PAXIP1: variants seen among roughly 807,000 people sequenced by gnomAD.
PAXIP1 encodes the protein PAX interacting protein 1.
Under a neutral mutation model 140.6 loss-of-function variants are expected in PAXIP1, and 19 were observed. The ratio of observed to expected loss-of-function variants is 0.14; its 90% CI spans 0.09 to 0.20. The LOEUF is 0.20. Among genes scored for constraint, PAXIP1 ranks in the 10% least tolerant of loss-of-function variants. PAXIP1 has a pLI of 1.00. For synonymous variants in PAXIP1, 442 were observed against 444.6 expected, an observed-to-expected ratio of 0.99 and a Z score of 0.07; for missense variants, 920 against 1,208.6, an observed-to-expected ratio of 0.76 and a Z score of 3.54.
At position 154,947,629 on chromosome 7, in the gene PAXIP1, T is replaced by C. The variant is rs1231174431; in HGVS notation, c.2922+274A>G. The C allele has an allele frequency of 1.8e-5, 6 of 331,360 alleles. 1 individual carries two copies. The highest frequency in any genetic ancestry group is 4.1e-5 in the African/African-American group (2 of 48,280). 20.5% of individuals were successfully genotyped at this position (331,360 alleles called of 1,614,324 possible). A position where few individuals can be genotyped will look rare whatever the true frequency, so the allele number is the denominator to read the frequency against. On this transcript the variant is annotated intron_variant, in intron 17 of 20. Coordinates refer to ENST00000404141, the MANE Select transcript of PAXIP1 (RefSeq NM_007349.4). Reference sequence around the variant, plus strand: ...AACCAATTACTCAAAAACCTATTCTTTGAATAACTTATTTCTCATAGATGT... The same window carrying C: ...AACCAATTACTCAAAAACCTATTCTCTGAATAACTTATTTCTCATAGATGT...
intron 6 of PAXIP1, among the ~76,000 whole-genome samples, chr7:154,972,479 ACT>A (rs1290753625): frequency 6.6e-6 from 1 of 152,174 alleles, no homozygotes; most frequent in East Asian, 1.9e-4. Context: ...ACAGAGTGAG[ACT>A]CTGTCTCAAA....
At chr7:154,955,657 G>T in intron 14 of PAXIP1, 26 bp from the exon 15 acceptor site, 2 of 1,237,804 alleles carry the variant, frequency 1.6e-6, no homozygotes, top group Non-Finnish European at 2.3e-6. Context: ...ACATAAAATA[G>T]TAGTGATTTC....
At position 154,952,089 on chromosome 7, in the gene PAXIP1, GTTC is replaced by G. The variant is rs905685675; in HGVS notation, c.2821+2163_2821+2165del. 4.6e-5 allele frequency: 7 copies of G among 152,268 alleles called. No homozygotes were observed. In the South Asian group the frequency reaches 8.3e-4, roughly 18 times the overall value. The allele number at this position is 152,268 out of a possible 1,614,324, so 9.4% of individuals were successfully genotyped here. A position where few individuals can be genotyped will look rare whatever the true frequency, so the allele number is the denominator to read the frequency against. ...TGTTTGTAGTAATTGTTTCTACTAT[GTTC>G]TTCTTCTGCCTTCATTGTTAAGTTT... On this transcript the variant is annotated intron_variant, in intron 16 of 20. Transcript: ENST00000404141.
chr7:154,984,152 G>GT (rs1213435390), intron 4 of PAXIP1, among the ~76,000 whole-genome samples: 30 of 152,174 alleles, frequency 2.0e-4, no homozygotes, highest in African/African-American at 5.3e-4. Context: ...TAAAACCCAG[G>GT]TCTGTCTACA....
At chr7:154,960,081 G>A in intron 12 of PAXIP1, 148 bp from the exon 13 acceptor site, 1 of 586,444 alleles carries the variant, frequency 1.7e-6, no homozygotes, top group South Asian at 2.2e-5. Context: ...CTATAATGAA[G>A]TTTTAAAGAA....
rs1808830739 is a variant in PAXIP1, at chr7:154,963,020, A to T, written c.1990-562T>A. Among the ~76,000 whole-genome samples the T allele has an allele frequency of 6.6e-6, 1 of 152,142 alleles. No homozygotes were observed. Among genetic ancestry groups the T allele is most frequent in the Non-Finnish European group, 1.5e-5 (1 of 68,030 alleles). ...AGAGCACAGGAAGGTAATATTGAGG[A>T]GAAAGCCTGCACCCCGGTAGTTTTA... is the stretch of plus-strand genomic sequence containing the variant. On this transcript the variant is annotated intron_variant, in intron 9 of 20. Transcript: ENST00000404141. The surrounding 1 kb of genome is among the most constrained non-coding windows in gnomAD (Gnocchi z 4.1).
At chr7:154,961,504 AAC>A in intron 11 of PAXIP1, 21 bp downstream of exon 11, 2 of 1,562,038 alleles carry the variant, frequency 1.3e-6, no homozygotes, top group Non-Finnish European at 1.7e-6. Flanking sequence ...TATGATTAAA[AAC>A]AGTTTCGAAA....
intron 16 of PAXIP1, among the ~76,000 whole-genome samples, chr7:154,952,690 AAC>A (rs1585039608): frequency 6.6e-6 from 1 of 152,322 alleles, no homozygotes; most frequent in East Asian, 1.9e-4. Flanking sequence ...AAATGTAGTG[AAC>A]AGAGGCGCTC....
intron 16 of PAXIP1, chr7:154,951,417 A>G (rs1266196178): frequency 6.6e-6 from 1 of 152,296 alleles, no homozygotes; most frequent in Non-Finnish European, 1.5e-5. Context: ...GGGCTGGGGT[A>G]TATGGGAACT....
Position 154,946,887 on chromosome 7 carries a change from T to C in PAXIP1, c.2923-74A>G, listed in dbSNP as rs1808006380. On this transcript the variant is annotated intron_variant, in intron 17 of 20. Transcript: ENST00000404141. This position sits in a 1 kb window ranked among gnomAD's most constrained non-coding sequence, Gnocchi z 4.9. ...TTTTAGAGTACATAATTCTCATAGA[T>C]TCTGCCCTGAGATTTTTGACAAAAT... is the stretch of plus-strand genomic sequence containing the variant. 1 of 1,195,910 alleles carries C rather than the reference T, an allele frequency of 8.4e-7. No homozygotes were observed. Among genetic ancestry groups the C allele is most frequent in the African/African-American group, 1.5e-5 (1 of 65,248 alleles). The allele number at this position is 1,195,910 out of a possible 1,614,324, so 74.1% of individuals were successfully genotyped here.
At position 154,965,448 on chromosome 7, in the gene PAXIP1, G is replaced by A. The variant is rs545578425; in HGVS notation, c.1894-1682C>T. 2 of 152,344 alleles carry A rather than the reference G, an allele frequency of 1.3e-5. 1 individual carries two copies. The highest frequency in any genetic ancestry group is 4.1e-4 in the South Asian group (2 of 4,830). 9.4% of individuals were successfully genotyped at this position (152,344 alleles called of 1,614,324 possible). The stretch of plus-strand genomic sequence containing the variant: ...AATCTGTTACACAGCAAGAGAAAAT[G>A]AATGTAGTATCACCTATACTTAAGC... On this transcript the variant is annotated intron_variant, in intron 8 of 20. Transcript: ENST00000404141.
At chr7:154,955,125 C>T (rs1808448466) in intron 15 of PAXIP1, among the ~76,000 whole-genome samples, 1 of 152,176 alleles carries the variant, frequency 6.6e-6, no homozygotes, top group African/African-American at 2.4e-5. Context: ...AACAAATACA[C>T]AAACTCCTTT....
chr7:154,993,229 G>A (rs1382880022), intron 3 of PAXIP1, among the ~76,000 whole-genome samples: 2 of 152,190 alleles, frequency 1.3e-5, no homozygotes, highest in Non-Finnish European at 2.9e-5. Context: ...AAGCAAGGAA[G>A]CTCCCTGAGG....
At position 154,975,913 on chromosome 7, in the gene PAXIP1, T is replaced by C. The variant is rs1380928465; in HGVS notation, c.857A>G (p.Glu286Gly). Residue 286 changes from glutamate to glycine, a missense_variant, in exon 6 of 21, where the codon GAG (glutamate) becomes GGG (glycine). By Grantham distance (98) the Glu-to-Gly change is moderately conservative. This residue lies in a region of PAXIP1 where 419 missense variants were observed against 514.7 expected (regional missense o/e 0.81). Transcript: ENST00000404141. ...AAKRRLPQGK[E>G]PGLINLCANV... ...GGCACACAAGTTAATCAACCCAGGC[T>C]CCTTTCCCTGAGGCAGCCTGCGTTT... The C allele has an allele frequency of 4.3e-6, 7 of 1,613,876 alleles. No individual in the cohort carries two copies. Among genetic ancestry groups the C allele is most frequent in the Admixed American group, 1.7e-5 (1 of 60,010 alleles).
chr7:154,946,656 C>T lies in PAXIP1; in HGVS notation c.3057+23G>A. 6.2e-7 allele frequency: 1 copy of T among 1,613,708 alleles called. No individual in the cohort carries two copies. The highest frequency in any genetic ancestry group is 1.1e-5 in the South Asian group (1 of 91,068). ...GTGATACAGGGCAATGACGGACTCG[C>T]TGGCGGACTCCACTCTACCCACCGA... On this transcript the variant is annotated intron_variant, in intron 18 of 20. Transcript: ENST00000404141. The surrounding 1 kb of genome is among the most constrained non-coding windows in gnomAD (Gnocchi z 4.9).
chr7:154,964,337 C>G (rs1425078901), intron 8 of PAXIP1: 1 of 152,366 alleles, frequency 6.6e-6, no homozygotes, highest in Non-Finnish European at 1.5e-5. Context: ...AGCTGCACGA[C>G]CCTGGACATT....
chr7:154,969,140 G>A lies in PAXIP1; in HGVS notation c.1075-14C>T, dbSNP rs1809177635. On this transcript the variant is annotated splice_polypyrimidine_tract_variant and intron_variant, in intron 6 of 20. Transcript: ENST00000404141. The stretch of plus-strand genomic sequence containing the variant: ...AGTCTGTAAGATCTACAAAACAAAA[G>A]TTAGGTGAAACATTATCAACAGTTC... The A allele has an allele frequency of 1.7e-5, 24 of 1,452,720 alleles. No individual in the cohort carries two copies. The highest frequency in any genetic ancestry group is 2.2e-5 in the Non-Finnish European group (24 of 1,100,838). 90.0% of individuals were successfully genotyped at this position (1,452,720 alleles called of 1,614,324 possible).
chr7:154,962,585 T>C, intron 9 of PAXIP1, 127 bp from the exon 10 acceptor site: 1 of 725,782 alleles, frequency 1.4e-6, no homozygotes, highest in Non-Finnish European at 2.2e-6. Flanking sequence ...TCATGACATC[T>C]AGCACTTGAT....
chr7:155,002,591 G>A (rs1208599255), intron 1 of PAXIP1, among the ~76,000 whole-genome samples: 2 of 151,952 alleles, frequency 1.3e-5, no homozygotes, highest in Admixed American at 6.6e-5. Context: ...AGGGCCGCAG[G>A]CCGGGGGCTC....
Sources: allele counts gnomAD v4.1 joint callset (sites outside exome capture counted in the v4.1 genomes callset), GRCh38; gene constraint gnomAD v4.1.1; regional missense constraint gnomAD v4.1.1; non-coding constraint Gnocchi (gnomAD v3.1); transcripts MANE v1.5; gene names NCBI Gene and HGNC (gene_info 2026-07-23, HGNC 2026-07-21).